Variants in BRWD1 observed in about 807,000 individuals in gnomAD.
BRWD1 encodes the protein bromodomain and WD repeat-containing protein 1.
A neutral mutation model predicts 251.2 loss-of-function variants in BRWD1; 82 were observed. The ratio of observed to expected loss-of-function variants is 0.33; its 90% CI spans 0.27 to 0.39. BRWD1 has a LOEUF of 0.39. Among genes scored for constraint, BRWD1 ranks in the 10% least tolerant of loss-of-function variants. BRWD1 has a pLI of 1.00. For synonymous variants in BRWD1, 918 were observed against 902.8 expected (o/e 1.02, Z -0.30); for missense variants, 2,233 against 2,711.6 (o/e 0.82, Z 3.92).
Position 39,258,600 on chromosome 21 carries a change from C to A in BRWD1, c.1958G>T (p.Ser653Ile), listed in dbSNP as rs758709322. 21 of 1,613,378 alleles carry A rather than the reference C, an allele frequency of 1.3e-5. No homozygotes were observed. The East Asian group carries it at 4.7e-4, about 36-fold the overall frequency. Reference protein sequence around the residue: ...NDNDERSPESSILDGMIRQLQ... With the variant: ...NDNDERSPESIILDGMIRQLQ... ...CTGTCTTATCATTCCATCAAGAATA[C>A]TCGATTCTGGGCTGCGTTCATCATT... The change falls in exon 18 of 41, where the codon AGT becomes ATT. Residue 653 changes from serine (S) to isoleucine (I), a missense_variant. Ser to Ile is a moderately radical substitution (Grantham distance 142). Around this residue, in one of 12 missense-constraint regions of BRWD1, gnomAD observed 73 missense variants for 68.1 expected, o/e 1.07. Transcript: ENST00000342449.
chr21:39,281,983 TATAA>T (rs1164065039), intron 8 of BRWD1, among the ~76,000 whole-genome samples: 4 of 151,522 alleles, frequency 2.6e-5, no homozygotes, highest in Admixed American at 2.0e-4. Context: ...AATACATGTA[TATAA>T]ATATGTATAT....
At position 39,258,647 on chromosome 21, in the gene BRWD1, A is replaced by G. The variant is rs1601402904; in HGVS notation, c.1911T>C (p.Ile637=). 8.7e-6 allele frequency: 14 copies of G among 1,604,774 alleles called. No homozygotes were observed. The highest frequency in any genetic ancestry group is 1.2e-5 in the Non-Finnish European group (14 of 1,175,374). ...CATTATCATTGGTTTGCAGGCTTAT[A>G]ATTTGTTCAATCACCTCTCCATCAC... ...ATSDGEVIEQ[I]ISLQTNDNDE... is the part of the protein sequence containing the mutation. The change falls in exon 18 of 41, where the codon ATT becomes ATC. Residue 637 remains isoleucine (I), a synonymous_variant. Coordinates refer to ENST00000342449, the MANE Select transcript of BRWD1 (RefSeq NM_033656.4).
At chr21:39,313,208 CAA>C (rs1421534405) in intron 2 of BRWD1, 31 bp downstream of exon 2, 1 of 1,525,340 alleles carries the variant, frequency 6.6e-7, no homozygotes, top group Non-Finnish European at 8.8e-7. Context: ...CTGGGGACGC[CAA>C]GTCCGCAGCC....
intron 33 of BRWD1, 72 bp downstream of exon 33, chr21:39,213,406 AGCC>A: frequency 2.6e-6 from 1 of 384,092 alleles, no homozygotes; most frequent in Non-Finnish European, 3.5e-6. Flanking sequence ...GGTACTACAA[AGCC>A]AACATTTTCT....
At chr21:39,302,528 G>A (rs1336118214) in intron 4 of BRWD1, among the ~76,000 whole-genome samples, 1 of 152,044 alleles carries the variant, frequency 6.6e-6, no homozygotes, top group African/African-American at 2.4e-5. Context: ...AAGCTGAAGT[G>A]GGCAGATCAC....
chr21:39,201,660 T>C (rs1480925111), intron 38 of BRWD1, among the ~76,000 whole-genome samples: 1 of 152,218 alleles, frequency 6.6e-6, no homozygotes, highest in Non-Finnish European at 1.5e-5. Context: ...TATGAATGTA[T>C]CCCTTAAAAC....
chr21:39,264,037 A>G (rs966407304), intron 17 of BRWD1, among the ~76,000 whole-genome samples: 19 of 152,184 alleles, frequency 1.2e-4, no homozygotes, highest in African/African-American at 4.1e-4. Context: ...AAAGTCAAAA[A>G]CTGACAACCT....
intron 36 of BRWD1, among the ~76,000 whole-genome samples, chr21:39,207,943 A>G (rs8129355): frequency 0.3 from 46,016 of 152,120 alleles, 7,422 homozygotes; most frequent in Middle Eastern, 0.35. Context: ...ATATGAAATT[A>G]TCTAGGACAG....
chr21:39,194,704 C>T lies in BRWD1; in HGVS notation c.*1555G>A. 6.5e-7 allele frequency: 1 copy of T among 1,535,090 alleles called. No individual in the cohort carries two copies. The highest frequency in any genetic ancestry group is 8.7e-7 in the Non-Finnish European group (1 of 1,145,972). ...CTCTAACATTAATACCAGTCTGATG[C>T]TTCGCCTTGTCTGCCACTTCAAAGA... On this transcript the variant is annotated 3_prime_UTR_variant, in exon 41 of 41. Transcript: ENST00000342449.
intron 20 of BRWD1, among the ~76,000 whole-genome samples, chr21:39,249,097 G>C (rs2034305727): frequency 6.6e-6 from 1 of 152,004 alleles, no homozygotes; most frequent in African/African-American, 2.4e-5. Flanking sequence ...ACTATCCCAA[G>C]TGAACTAACA....
At chr21:39,228,148 C>T (rs1250391952) in intron 27 of BRWD1, among the ~76,000 whole-genome samples, 2 of 151,902 alleles carry the variant, frequency 1.3e-5, no homozygotes, top group Non-Finnish European at 2.9e-5. Context: ...ATTAGCCGGG[C>T]GTAGTGGCGC....
At position 39,198,194 on chromosome 21, in the gene BRWD1, T is replaced by C. The variant is rs988932674; in HGVS notation, c.5653+569A>G. Among the ~76,000 whole-genome samples, 5 of 152,316 alleles carry C rather than the reference T, an allele frequency of 3.3e-5. No homozygotes were observed. In the East Asian group the frequency reaches 9.6e-4, roughly 29 times the overall value. ...CCATGTACCAGGGGTACAATCTTAA[T>C]TCAACAAGTTATTTCACCACTTTGT... is the stretch of plus-strand genomic sequence containing the variant. On this transcript the variant is annotated intron_variant, in intron 40 of 40. Transcript: ENST00000342449.
chr21:39,278,561 A>AAAGGCAGACTGGAGGACTGGAAGAAC (rs2035351117), intron 10 of BRWD1, 182 bp downstream of exon 10: 1 of 532,230 alleles, frequency 1.9e-6, no homozygotes. Context: ...GAAATCAGAG[A>AAAGGCAGACTGGAGGACTGGAAGAAC]AAGGCAGACT....
rs182032898 is a variant in BRWD1 at position 39,264,145 on chromosome 21, C to A, written c.1885+315G>T. ...TTGGGAGAATTTTAGAAGCTATAAACGAACATTACTAGAATAACTGGAAAT... is the reference window on the plus strand; with the variant it reads ...TTGGGAGAATTTTAGAAGCTATAAAAGAACATTACTAGAATAACTGGAAAT... On this transcript the variant is annotated intron_variant, in intron 17 of 40. Coordinates refer to ENST00000342449, the MANE Select transcript of BRWD1 (RefSeq NM_033656.4). 9.9e-5 allele frequency among the ~76,000 whole-genome samples: 15 copies of A among 152,092 alleles called. No homozygotes were observed. The East Asian group carries it at 2.7e-3, about 27-fold the overall frequency.
intron 8 of BRWD1, among the ~76,000 whole-genome samples, chr21:39,281,393 G>A (rs1416954417): frequency 6.6e-5 from 10 of 152,282 alleles, no homozygotes; most frequent in Non-Finnish European, 1.3e-4. Flanking sequence ...AAAGAGAGGA[G>A]CATCAAAACT....
chr21:39,274,602 C>T (rs2035222037), intron 12 of BRWD1, 130 bp from the exon 13 acceptor site: 1 of 755,048 alleles, frequency 1.3e-6, no homozygotes, highest in Non-Finnish European at 2.2e-6. Flanking sequence ...GGTGTTAATT[C>T]AAAAGACAAG....
In BRWD1 at chr21:39,195,652, C is replaced by A. The variant is rs1375330797; in HGVS notation, c.*607G>T. ...AACGTTTTCCTTAAGAAGAAAAAAA[C>A]CCAACAGCACTTGGGAAGAAAATTA... is the stretch of plus-strand genomic sequence containing the variant. On this transcript the variant is annotated 3_prime_UTR_variant, in exon 41 of 41. Transcript: ENST00000342449. 6 of 984,872 alleles carry A rather than the reference C, an allele frequency of 6.1e-6. No homozygotes were observed. Among genetic ancestry groups the A allele is most frequent in the East Asian group, 1.1e-4 (1 of 8,812 alleles). The allele number at this position is 984,872 out of a possible 1,614,324, so 61.0% of individuals were successfully genotyped here.
intron 8 of BRWD1, among the ~76,000 whole-genome samples, chr21:39,292,115 T>TGGGGGGGGG (rs1601477074): frequency 9.7e-5 from 1 of 10,276 alleles, no homozygotes; most frequent in Admixed American, 1.3e-3. Flanking sequence ...CTATTTTTTG[T>TGGGGGGGGG]GGGGGGTGGG....
chr21:39,303,675 T>A (rs140736943), intron 4 of BRWD1, among the ~76,000 whole-genome samples: 2,077 of 148,718 alleles, frequency 0.014, 46 homozygotes, highest in African/African-American at 0.049. Flanking sequence ...ACAAAAAAAA[T>A]AGCCAGGTGT....
Sources: gnomAD v4.1 joint callset for allele counts (sites outside exome capture counted in the v4.1 genomes callset) on GRCh38, gnomAD v4.1.1 for gene constraint, gnomAD v4.1.1 regional missense constraint, MANE v1.5 for transcripts, NCBI Gene and HGNC (gene_info 2026-07-23, HGNC 2026-07-21) for gene names.